Variants in DAB1 observed in about 807,000 individuals in gnomAD.
The protein encoded by DAB1 is disabled homolog 1.
DAB1 carries 15 observed loss-of-function variants against 64.6 expected under a neutral mutation model. That is an observed-to-expected ratio of 0.23 (90% confidence interval 0.16 to 0.36). The LOEUF (loss-of-function observed/expected upper bound fraction) is 0.36. Among genes scored for constraint, DAB1 ranks in the 10% least tolerant of loss-of-function variants. DAB1 has a pLI of 1.00. For missense variants in DAB1, 596 were observed against 706.7 expected (o/e 0.84, Z 1.78); for synonymous variants, 235 against 251.9 (o/e 0.93, Z 0.64).
At chr1:57,679,447 C>T (rs964332213) in intron 6 of DAB1, among the ~76,000 whole-genome samples, 23 of 152,350 alleles carry the variant, frequency 1.5e-4, no homozygotes, top group Middle Eastern at 3.4e-3. Flanking sequence ...TAGAAGCACA[C>T]GCTCTTCATC....
chr1:57,235,488 T>C (rs1340507237), intron 2 of DAB1, among the ~76,000 whole-genome samples: 1 of 152,202 alleles, frequency 6.6e-6, no homozygotes, highest in African/African-American at 2.4e-5. Context: ...CCTTTTCCTC[T>C]GGAGTGATTA....
intron 6 of DAB1, among the ~76,000 whole-genome samples, chr1:57,731,808 A>AC (rs1647438294): frequency 6.6e-6 from 1 of 151,598 alleles, no homozygotes; most frequent in East Asian, 1.9e-4. Flanking sequence ...CTGTCTCAAA[A>AC]AAAAAATAAT....
At chr1:57,239,674 C>T (rs566891288) in intron 2 of DAB1, among the ~76,000 whole-genome samples, 1 of 152,248 alleles carries the variant, frequency 6.6e-6, no homozygotes, top group East Asian at 1.9e-4. Flanking sequence ...AGAGAACTGT[C>T]TTCTCTTTAT....
rs768694523 is a variant in DAB1 at position 57,015,056 on chromosome 1, G to A, written c.1271C>T (p.Pro424Leu). ...GTCGGGTTTGCGGGAGGGCACGGGC[G>A]GAGGCTGGGCCATCTGGAAATCCTT... Reference protein sequence around the residue: ...TFKDFQMAQPPPVPSRKPDQP... With the variant: ...TFKDFQMAQPLPVPSRKPDQP... Residue 424 changes from proline (P) to leucine (L), a missense_variant, in exon 12 of 15, where the codon CCG (proline) becomes CTG (leucine). This residue lies in a region of DAB1 where 377 missense variants were observed against 400.4 expected (regional missense o/e 0.94). Transcript: ENST00000371236. The A allele has an allele frequency of 1.6e-5, 26 of 1,614,128 alleles. No homozygotes were observed. The highest frequency in any genetic ancestry group is 1.1e-4 in the African/African-American group (8 of 75,018).
chr1:57,830,293 C>T (rs150735209), intron 1 of DAB1, among the ~76,000 whole-genome samples: 79 of 152,308 alleles, frequency 5.2e-4, no homozygotes, highest in African/African-American at 1.5e-3. Context: ...TCAATTAACA[C>T]GTTCTTACTC....
chr1:57,433,779 A>G (rs1685595292), intron 7 of DAB1, among the ~76,000 whole-genome samples: 1 of 151,994 alleles, frequency 6.6e-6, no homozygotes, highest in African/African-American at 2.4e-5. Context: ...ATCCAAAAAA[A>G]TAAAGAAATT....
intron 2 of DAB1, among the ~76,000 whole-genome samples, chr1:57,248,265 A>ATTT (rs1669042785): frequency 3.8e-4 from 57 of 151,114 alleles, no homozygotes; most frequent in Admixed American, 7.2e-4. Flanking sequence ...GTTTTTTTTA[A>ATTT]AAAAATACTT....
chr1:57,704,099 AC>A (rs1646938341), intron 6 of DAB1, among the ~76,000 whole-genome samples: 1 of 152,150 alleles, frequency 6.6e-6, no homozygotes. Flanking sequence ...TAGGCTTAAT[AC>A]CTGGGAGATA....
At chr1:57,838,927 C>T (rs569782308) in intron 1 of DAB1, among the ~76,000 whole-genome samples, 1 of 152,160 alleles carries the variant, frequency 6.6e-6, no homozygotes, top group East Asian at 1.9e-4. Flanking sequence ...TAGGAGCATG[C>T]TAACATGCTC....
intron 3 of DAB1, among the ~76,000 whole-genome samples, chr1:58,444,776 A>G (rs1226476054): frequency 6.6e-6 from 1 of 152,166 alleles, no homozygotes; most frequent in East Asian, 1.9e-4. Context: ...TTAGATGAGC[A>G]TTATTAATGG....
rs1461432588 is a variant in DAB1, at chr1:58,541,320, A to C, written n.32+5383T>G. 2.3e-5 allele frequency among the ~76,000 whole-genome samples: 3 copies of C among 131,328 alleles called. No homozygotes were observed. The South Asian group carries it at 7.1e-4, about 31-fold the overall frequency. The allele number at this position is 131,328 out of a possible 152,430, so 86.2% of individuals were successfully genotyped here. A position where few individuals can be genotyped will look rare whatever the true frequency, so the allele number is the denominator to read the frequency against. On this transcript the variant is annotated intron_variant and non_coding_transcript_variant, in intron 1 of 20. Coordinates refer to the DAB1 transcript ENST00000485760. ...AAAAAAAAAAAAAAAAAAAAAAAAA[A>C]AAAAAAAAAAAAACAGGAAAAACAC...
At chr1:57,805,302 G>C (rs1362263668) in intron 6 of DAB1, among the ~76,000 whole-genome samples, 1 of 152,154 alleles carries the variant, frequency 6.6e-6, no homozygotes, top group Non-Finnish European at 1.5e-5. Context: ...CCAGCCATTA[G>C]GAGAGATCAA....
rs1179486004 is a variant in DAB1 at position 57,128,181 on chromosome 1, A to T, written c.306+8362T>A. ...TAAATAAATAAATAAATAAATAAAT[A>T]AATAAATAAATAATACAATTCTTTA... On this transcript the variant is annotated intron_variant, in intron 4 of 14. Transcript: ENST00000371236. Among the ~76,000 whole-genome samples the T allele has an allele frequency of 6.0e-5, 9 of 151,202 alleles. No homozygotes were observed. The South Asian group carries it at 1.5e-3, about 24-fold the overall frequency.
At chr1:57,977,232 C>T (rs916452941) in intron 5 of DAB1, among the ~76,000 whole-genome samples, 1 of 152,176 alleles carries the variant, frequency 6.6e-6, no homozygotes, top group Non-Finnish European at 1.5e-5. Context: ...CAAGAGAGAT[C>T]TATAGAGAAT....
chr1:58,075,496 T>A (rs1057032167), intron 5 of DAB1, among the ~76,000 whole-genome samples: 1 of 152,152 alleles, frequency 6.6e-6, no homozygotes. Context: ...TATCTTTGAG[T>A]GAGGATGATA....
intron 4 of DAB1, among the ~76,000 whole-genome samples, chr1:58,269,352 T>C (rs1365818623): frequency 4.6e-5 from 7 of 151,162 alleles, no homozygotes; most frequent in Admixed American, 1.3e-4. Flanking sequence ...ACTCATCATT[T>C]TTTATGGCTG....
chr1:58,324,542 G>A (rs1172211143), intron 4 of DAB1, among the ~76,000 whole-genome samples: 1 of 152,102 alleles, frequency 6.6e-6, no homozygotes, highest in African/African-American at 2.4e-5. Flanking sequence ...AGTTGAGCAA[G>A]CATAATTTAA....
chr1:58,080,719 G>C (rs529917159), intron 5 of DAB1, among the ~76,000 whole-genome samples: 91 of 152,316 alleles, frequency 6.0e-4, no homozygotes, highest in African/African-American at 2.1e-3. Flanking sequence ...AATCAGAAAG[G>C]CCTGTGTTGG....
chr1:57,662,892 C>T (rs750972477), intron 6 of DAB1, among the ~76,000 whole-genome samples: 4 of 152,160 alleles, frequency 2.6e-5, no homozygotes, highest in African/African-American at 4.8e-5. Flanking sequence ...TGTTTTTCCT[C>T]TACCAATATT....
Sources: allele counts gnomAD v4.1 joint callset (sites outside exome capture counted in the v4.1 genomes callset), GRCh38; gene constraint gnomAD v4.1.1; regional missense constraint gnomAD v4.1.1; transcripts MANE v1.5; gene names NCBI Gene and HGNC (gene_info 2026-07-23, HGNC 2026-07-21).